CRYZL1: variants seen among roughly 807,000 people sequenced by gnomAD.
CRYZL1 encodes ferry endosomal RAB5 effector complex subunit 4.
Under a neutral mutation model 50.6 loss-of-function variants are expected in CRYZL1, and 34 were observed. The observed-to-expected ratio is 0.67, with a 90% confidence interval of 0.51 to 0.89. The LOEUF is 0.89. CRYZL1 is among the 40% of genes least tolerant of loss of function. The pLI, the probability that CRYZL1 is intolerant of heterozygous loss-of-function variation, is 0.00. For synonymous variants in CRYZL1, 125 were observed against 134.3 expected, an observed-to-expected ratio of 0.93 and a Z score of 0.48; for missense variants, 354 against 402.3, an observed-to-expected ratio of 0.88 and a Z score of 1.03.
intron 11 of CRYZL1, among the ~76,000 whole-genome samples, chr21:33,592,249 C>T (rs997367993): frequency 4.0e-5 from 6 of 150,490 alleles, no homozygotes; most frequent in African/African-American, 1.5e-4. Flanking sequence ...CTCTAGTGAT[C>T]CTCAGCCTCC....
At position 33,603,469 on chromosome 21, in the gene CRYZL1, T is replaced by C. The variant is rs1344247185; in HGVS notation, c.400A>G (p.Thr134Ala). 5 of 1,614,194 alleles carry C rather than the reference T, an allele frequency of 3.1e-6. No individual in the cohort carries two copies. The highest frequency in any genetic ancestry group is 1.7e-5 in the Admixed American group (1 of 60,028). Residue 134 changes from threonine to alanine, a missense_variant, in exon 7 of 13, where the codon ACA becomes GCA. By Grantham distance (58) the Thr-to-Ala change is moderately conservative. Transcript: ENST00000381554. ...AGATGAGAAAGATAATGCAGAGCTG[T>C]ATAGGCACGCACTCCATCCCGAATG... is the stretch of plus-strand genomic sequence containing the variant. Reference protein sequence around the residue: ...GSIRDGVRAYTALHYLSHLSP... With the variant: ...GSIRDGVRAYAALHYLSHLSP...
chr21:33,621,840 A>AAAAAAT (rs1044074602), intron 4 of CRYZL1, among the ~76,000 whole-genome samples, 156 bp downstream of exon 4: 139 of 152,274 alleles, frequency 9.1e-4, no homozygotes, highest in Middle Eastern at 3.4e-3. Flanking sequence ...CTTGTCTCTC[A>AAAAAAT]AAAAATAAAA....
chr21:33,624,923 T>TA (rs1297624349), intron 2 of CRYZL1, among the ~76,000 whole-genome samples, 163 bp from the exon 3 acceptor site: 1 of 152,038 alleles, frequency 6.6e-6, no homozygotes, highest in African/African-American at 2.4e-5. Context: ...ATGTATATAA[T>TA]AAAAAAATAA....
At position 33,589,912 on chromosome 21, in the gene CRYZL1, C is replaced by T. The variant is rs747952229; in HGVS notation, c.960G>A (p.Leu320=). The part of the protein sequence containing the change: ...KLSTGVFRPQ[L]DEPIPLYEAK... ...CCTCATACAGTGGAATGGGTTCATC[C>T]AACTGAGGTCTGAGAAGGAATGAAA... Residue 320 remains leucine, a synonymous_variant, in exon 13 of 13, where the codon TTG becomes TTA. Coordinates refer to ENST00000381554, the MANE Select transcript of CRYZL1 (RefSeq NM_145858.3). 2 of 1,590,660 alleles carry T rather than the reference C, an allele frequency of 1.3e-6. No individual in the cohort carries two copies. The highest frequency in any genetic ancestry group is 2.3e-5 in the South Asian group (2 of 87,918).
chr21:33,598,788 A>G (rs1295027712), intron 9 of CRYZL1, among the ~76,000 whole-genome samples: 1 of 150,070 alleles, frequency 6.7e-6, no homozygotes, highest in Admixed American at 6.6e-5. Flanking sequence ...TTCTTAAAAC[A>G]TTATAAGACA....
At chr21:33,624,272 C>T (rs1010039365) in intron 3 of CRYZL1, among the ~76,000 whole-genome samples, 3 of 152,182 alleles carry the variant, frequency 2.0e-5, no homozygotes, top group Non-Finnish European at 2.9e-5. Flanking sequence ...GTAGGCTGGG[C>T]GCAGTGGCTC....
chr21:33,604,056 T>A (rs1186012733), intron 6 of CRYZL1, among the ~76,000 whole-genome samples: 1 of 149,186 alleles, frequency 6.7e-6, no homozygotes, highest in African/African-American at 2.5e-5. Context: ...ATCGAGACCA[T>A]CCTGACTGAC....
chr21:33,641,231 C>G, intron 1 of CRYZL1: 3 of 1,550,564 alleles, frequency 1.9e-6, no homozygotes, highest in Non-Finnish European at 2.6e-6. Context: ...GCCGATCTGG[C>G]TCAAAAGCCA....
In CRYZL1 at chr21:33,603,498, C is replaced by G. The variant is rs1195442037; in HGVS notation, c.371G>C (p.Gly124Ala). 3.1e-6 allele frequency: 5 copies of G among 1,614,032 alleles called. No individual in the cohort carries two copies. In the East Asian group the frequency reaches 8.9e-5, roughly 29 times the overall value. Reference protein sequence around the residue: ...PEKVTWTEAAGSIRDGVRAYT... With the variant: ...PEKVTWTEAAASIRDGVRAYT... ...GGCACGCACTCCATCCCGAATGCTTCCTGCTGCTTCCGTCCATGTGACCTT... is the reference window on the plus strand; with the variant it reads ...GGCACGCACTCCATCCCGAATGCTTGCTGCTGCTTCCGTCCATGTGACCTT... The change falls in exon 7 of 13, where the codon GGA becomes GCA. Residue 124 changes from glycine to alanine, a missense_variant. Transcript: ENST00000381554.
At chr21:33,633,295 C>A (rs895215983) in intron 1 of CRYZL1, among the ~76,000 whole-genome samples, 1 of 152,158 alleles carries the variant, frequency 6.6e-6, no homozygotes, top group African/African-American at 2.4e-5. Flanking sequence ...CTCATAGCAC[C>A]AGCTGGGCCA....
chr21:33,593,305 A>T (rs985001414), intron 11 of CRYZL1, among the ~76,000 whole-genome samples: 1 of 151,872 alleles, frequency 6.6e-6, no homozygotes, highest in East Asian at 2.0e-4. Flanking sequence ...AAGGGGTTTC[A>T]CCATGTTCGC....
intron 6 of CRYZL1, among the ~76,000 whole-genome samples, chr21:33,609,419 C>T (rs1569086425): frequency 6.6e-6 from 1 of 152,046 alleles, no homozygotes; most frequent in South Asian, 2.1e-4. Context: ...TCCTTCTCAG[C>T]CTCCCAAGCA....
At chr21:33,600,932 A>ATT (rs760240536) in intron 8 of CRYZL1, among the ~76,000 whole-genome samples, 6 of 122,624 alleles carry the variant, frequency 4.9e-5, no homozygotes, top group South Asian at 2.6e-4. Context: ...CGGTCCATAA[A>ATT]GTTTTTTTTT....
chr21:33,599,197 A>C lies in CRYZL1; in HGVS notation c.629T>G (p.Leu210Trp). The change falls in exon 9 of 13, where the codon TTG becomes TGG. Residue 210 changes from leucine to tryptophan, a missense_variant. Coordinates refer to ENST00000381554, the MANE Select transcript of CRYZL1 (RefSeq NM_145858.3). ...TACTCCCAGGCCACCTGTTTCTTCC[A>C]AACAGCTTTCAGCAACATGAACTTT... is the stretch of plus-strand genomic sequence containing the variant. ...NGKVHVAESCLEETGGLGVDI... is the reference protein window; with the variant it reads ...NGKVHVAESCWEETGGLGVDI... 4 of 1,614,114 alleles carry C rather than the reference A, an allele frequency of 2.5e-6. No individual in the cohort carries two copies. The highest frequency in any genetic ancestry group is 2.2e-5 in the East Asian group (1 of 44,868).
At position 33,624,742 on chromosome 21, in the gene CRYZL1, C is replaced by T; in HGVS notation, c.85G>A (p.Glu29Lys). The T allele has an allele frequency of 6.3e-7, 1 of 1,595,018 alleles. No individual in the cohort carries two copies. The highest frequency in any genetic ancestry group is 8.5e-7 in the Non-Finnish European group (1 of 1,175,430). Residue 29 changes from glutamate (E) to lysine (K), a missense_variant, in exon 3 of 13, where the codon GAG (glutamate) becomes AAG (lysine). Coordinates refer to ENST00000381554, the MANE Select transcript of CRYZL1 (RefSeq NM_145858.3). Reference sequence around the variant, plus strand: ...ACTTGAAGTTTCACAAAGTTATCCTCTGTAACAGGAAGATCTTCCTAGAAC... The same window carrying T: ...ACTTGAAGTTTCACAAAGTTATCCTTTGTAACAGGAAGATCTTCCTAGAAC... ...FQEKEDLPVT[E>K]DNFVKLQVKA... is the part of the protein sequence containing the mutation.
intron 11 of CRYZL1, chr21:33,591,537 A>G: frequency 2.9e-6 from 1 of 344,078 alleles, no homozygotes; most frequent in Admixed American, 4.4e-5. Flanking sequence ...TCTACACTAC[A>G]TATGGCATTT....
chr21:33,640,881 GAAGAA>G (rs1324258087), intron 1 of CRYZL1, among the ~76,000 whole-genome samples: 7 of 152,052 alleles, frequency 4.6e-5, no homozygotes, highest in South Asian at 2.1e-4. Context: ...GATTTAATAC[GAAGAA>G]AAGAACGTAA....
chr21:33,604,291 G>A (rs1258515673), intron 6 of CRYZL1, among the ~76,000 whole-genome samples: 1 of 145,200 alleles, frequency 6.9e-6, no homozygotes, highest in Non-Finnish European at 1.5e-5. Flanking sequence ...GGGAGGCAGA[G>A]CTTGTAGCGA....
At chr21:33,635,900 G>A (rs1326825802) in intron 1 of CRYZL1, among the ~76,000 whole-genome samples, 1 of 152,044 alleles carries the variant, frequency 6.6e-6, no homozygotes, top group Admixed American at 6.5e-5. Context: ...AGAATCGCTT[G>A]AATCTGGGAG....
Sources: gnomAD v4.1 joint callset for allele counts (sites outside exome capture counted in the v4.1 genomes callset) on GRCh38, gnomAD v4.1.1 for gene constraint, MANE v1.5 for transcripts, NCBI Gene and HGNC (gene_info 2026-07-23, HGNC 2026-07-21) for gene names.